Variants in HMGXB3 observed in about 807,000 individuals in gnomAD.
The protein encoded by HMGXB3 is HMG-box containing 3, also known as HMG domain-containing protein 3.
A neutral mutation model predicts 121.5 loss-of-function variants in HMGXB3; 45 were observed. That is an observed-to-expected ratio of 0.37 (90% CI 0.29 to 0.47). HMGXB3 has a LOEUF of 0.47. Ranked by LOEUF, HMGXB3 falls within the 20% of genes least tolerant of loss-of-function variation. HMGXB3 has a pLI of 0.99. For synonymous variants in HMGXB3, 590 were observed against 624.1 expected (o/e 0.95, Z 0.81); for missense variants, 1,376 against 1,602.2 (o/e 0.86, Z 2.41).
chr5:150,006,977 T>C (rs1755718460), intron 3 of HMGXB3, among the ~76,000 whole-genome samples: 1 of 152,240 alleles, frequency 6.6e-6, no homozygotes, highest in South Asian at 2.1e-4. Flanking sequence ...TAGTAGTTTA[T>C]ATAGGCATTT....
intron 9 of HMGXB3, among the ~76,000 whole-genome samples, chr5:150,028,560 T>TATATATATATATA (rs57641340): frequency 1.4e-5 from 1 of 70,094 alleles, no homozygotes; most frequent in African/African-American, 7.8e-5. Context: ...TATATATATA[T>TATATATATATATA]TTTTTTTTTT....
At chr5:150,008,639 C>T (rs1755763641) in intron 3 of HMGXB3, among the ~76,000 whole-genome samples, 1 of 152,222 alleles carries the variant, frequency 6.6e-6, no homozygotes, top group South Asian at 2.1e-4. Context: ...GGCTGTCCTC[C>T]TTAGCAGCCC....
rs1756014113 is a variant in HMGXB3, at chr5:150,018,646, A to G, written c.990A>G (p.Pro330=). Reference sequence around the variant, plus strand: ...TTACATATGTCACCAGGCACAAGCCACCTAAGTGCCCTACCTGTGGTAACT... The same window carrying G: ...TTACATATGTCACCAGGCACAAGCCGCCTAAGTGCCCTACCTGTGGTAACT... The part of the protein sequence containing the change: ...CSFTYVTRHK[P]PKCPTCGNFL... Residue 330 remains proline, a synonymous_variant, in exon 6 of 20, where the codon CCA becomes CCG. Transcript: ENST00000502717. The G allele has an allele frequency of 6.4e-7, 1 of 1,551,220 alleles. No individual in the cohort carries two copies.
intron 9 of HMGXB3, among the ~76,000 whole-genome samples, chr5:150,027,731 T>G (rs1488770137): frequency 6.6e-6 from 1 of 152,140 alleles, no homozygotes; most frequent in East Asian, 1.9e-4. Flanking sequence ...TTTTGTATTG[T>G]TGGTAGATAT....
chr5:150,003,628 T>G (rs1307781021), intron 1 of HMGXB3, among the ~76,000 whole-genome samples: 1 of 104,918 alleles, frequency 9.5e-6, no homozygotes, highest in East Asian at 2.9e-4. Flanking sequence ...CTTAATGAAC[T>G]CTTCCATTTT....
chr5:150,015,043 TGTG>T (rs1755928385), intron 5 of HMGXB3: 2 of 484,662 alleles, frequency 4.1e-6, no homozygotes, highest in Non-Finnish European at 3.5e-6. Flanking sequence ...GCCTAAATGT[TGTG>T]GTCATTAAAG....
intron 6 of HMGXB3, among the ~76,000 whole-genome samples, chr5:150,022,893 C>G (rs1268959799): frequency 6.6e-6 from 1 of 151,084 alleles, no homozygotes; most frequent in Non-Finnish European, 1.5e-5. Context: ...CTCATGCAGC[C>G]TCAGCCTCCT....
intron 5 of HMGXB3, chr5:150,015,115 A>G (rs1208800860): frequency 2.9e-6 from 1 of 346,190 alleles, no homozygotes; most frequent in African/African-American, 2.2e-5. Context: ...TATTGCGGCC[A>G]TCCAGTCTGT....
intron 1 of HMGXB3, among the ~76,000 whole-genome samples, chr5:150,001,706 G>A (rs889477872): frequency 6.6e-6 from 1 of 151,996 alleles, no homozygotes; most frequent in African/African-American, 2.4e-5. Context: ...CTGCTGCCTC[G>A]AGTCTGATAA....
intron 17 of HMGXB3, among the ~76,000 whole-genome samples, 191 bp from the exon 18 acceptor site, chr5:150,048,378 C>T (rs1756810170): frequency 6.6e-6 from 1 of 152,204 alleles, no homozygotes; most frequent in African/African-American, 2.4e-5. Flanking sequence ...TGTCTGTGAC[C>T]TAATCCTTTC....
chr5:150,009,796 G>T (rs1242920566), intron 3 of HMGXB3, among the ~76,000 whole-genome samples: 1 of 152,156 alleles, frequency 6.6e-6, no homozygotes, highest in Non-Finnish European at 1.5e-5. Context: ...TTTGCTCAAG[G>T]CTATGCCAGA....
At position 150,007,525 on chromosome 5, in the gene HMGXB3, C is replaced by T. The variant is rs559491096; in HGVS notation, c.312+878C>T. Among the ~76,000 whole-genome samples the T allele has an allele frequency of 5.9e-5, 9 of 152,304 alleles. No individual in the cohort carries two copies. In the South Asian group the frequency reaches 1.9e-3, roughly 32 times the overall value. On this transcript the variant is annotated intron_variant, in intron 3 of 19. Transcript: ENST00000502717. ...GTTATAGCAGAACAGGTTGTATTTT[C>T]CCTTATTGGAGCTCATCAGCTACTG...
intron 9 of HMGXB3, among the ~76,000 whole-genome samples, chr5:150,028,541 G>GTGTGTGTGTGTA (rs1203886454): frequency 2.4e-5 from 1 of 42,088 alleles, no homozygotes; most frequent in African/African-American, 7.7e-5. Context: ...GTGTGTGTGT[G>GTGTGTGTGTGTA]TATATATATA....
intron 5 of HMGXB3, among the ~76,000 whole-genome samples, chr5:150,013,220 T>G (rs1755883753): frequency 6.6e-6 from 1 of 152,224 alleles, no homozygotes; most frequent in African/African-American, 2.4e-5. Flanking sequence ...CTATAGGTTT[T>G]TCCTACATGC....
intron 18 of HMGXB3, among the ~76,000 whole-genome samples, chr5:150,049,418 C>CT (rs958960888): frequency 2.0e-5 from 3 of 151,812 alleles, no homozygotes; most frequent in Admixed American, 6.6e-5. Context: ...AAACCCCCCC[C>CT]CTTAACAGGT....
Position 150,029,286 on chromosome 5 carries a change from G to T in HMGXB3, c.1735-1455G>T, listed in dbSNP as rs60538397. Among the ~76,000 whole-genome samples the T allele has an allele frequency of 1.7e-3, 255 of 150,734 alleles. 1 individual carries two copies. The highest frequency in any genetic ancestry group is 5.9e-3 in the African/African-American group (244 of 41,130). ...CCAAATTCCATGGATTAGTGGGGTT[G>T]GTTGGTTGGTTTTTTGGCTATATGT... On this transcript the variant is annotated intron_variant, in intron 9 of 19. Transcript: ENST00000502717.
Position 150,031,394 on chromosome 5 carries a change from A to G in HMGXB3, c.1833+555A>G, listed in dbSNP as rs550792190. Among the ~76,000 whole-genome samples the G allele has an allele frequency of 1.8e-4, 28 of 152,392 alleles. No homozygotes were observed. In the South Asian group the frequency reaches 5.8e-3, roughly 32 times the overall value. On this transcript the variant is annotated intron_variant, in intron 10 of 19. Transcript: ENST00000502717. ...ATCACCCTTTTGTAGGGCAGGCAGC[A>G]TAGAGCAGGGAAATAAATGCTAGAC...
rs184339715 is a variant in HMGXB3, at chr5:150,048,369, G to A, written c.3085-200G>A. Among the ~76,000 whole-genome samples the A allele has an allele frequency of 7.9e-5, 12 of 151,126 alleles. No homozygotes were observed. The South Asian group carries it at 1.2e-3, about 16-fold the overall frequency. Reference sequence around the variant, plus strand: ...CTTGATCAGCAGTCTGGCTGGCTTTGTCTGTGACCTAATCCTTTCAGGGCC... The same window carrying A: ...CTTGATCAGCAGTCTGGCTGGCTTTATCTGTGACCTAATCCTTTCAGGGCC... On this transcript the variant is annotated intron_variant, in intron 17 of 19. Coordinates refer to ENST00000502717, the MANE Select transcript of HMGXB3 (RefSeq NM_014983.3).
chr5:150,030,669 C>A, intron 9 of HMGXB3, 72 bp from the exon 10 acceptor site: 1 of 1,117,492 alleles, frequency 8.9e-7, no homozygotes, highest in South Asian at 1.4e-5. Context: ...TCCCTCAAGT[C>A]GTTTCAGGAC....
Sources: gnomAD v4.1 joint callset for allele counts (sites outside exome capture counted in the v4.1 genomes callset) on GRCh38, gnomAD v4.1.1 for gene constraint, MANE v1.5 for transcripts, NCBI Gene and HGNC (gene_info 2026-07-23, HGNC 2026-07-21) for gene names.